CEP131: variants seen among roughly 807,000 people sequenced by gnomAD.
CEP131 encodes the protein centrosomal protein of 131 kDa.
Under a neutral mutation model 136.8 loss-of-function variants are expected in CEP131, and 99 were observed. The ratio of observed to expected loss-of-function variants is 0.72; its 90% CI spans 0.62 to 0.86. The LOEUF is 0.86. CEP131 is among the 40% of genes least tolerant of loss of function. The probability of loss-of-function intolerance (pLI) is 0.00; values close to 1 mark genes in which losing one functional copy is unlikely to be tolerated. For missense variants in CEP131, 1,459 were observed against 1,463.0 expected (o/e 1.00, Z 0.04); for synonymous variants, 646 against 612.7 (o/e 1.05, Z -0.80).
At position 81,219,601 on chromosome 17, in the gene CEP131, C is replaced by T. The variant is rs912377887; in HGVS notation, c.177+279G>A. Among the ~76,000 whole-genome samples, 1 of 152,084 alleles carries T rather than the reference C, an allele frequency of 6.6e-6. No homozygotes were observed. Among genetic ancestry groups the T allele is most frequent in the African/African-American group, 2.4e-5 (1 of 41,414 alleles). On this transcript the variant is annotated intron_variant, in intron 2 of 25. Coordinates refer to ENST00000450824, the MANE Select transcript of CEP131 (RefSeq NM_014984.4). This position sits in a 1 kb window ranked among gnomAD's most constrained non-coding sequence, Gnocchi z 4.0. ...GCGTGAGCCACCGAGCCCAGCCAAC[C>T]CCATTTCCTGAGGATTCAAACAAAT...
chr17:81,194,155 C>T (rs767799395), intron 17 of CEP131, 28 bp from the exon 18 acceptor site: 12 of 1,484,212 alleles, frequency 8.1e-6, no homozygotes, highest in African/African-American at 1.4e-5. Context: ...GCTAGGGCCA[C>T]GTCCAGCTAG....
chr17:81,196,033 C>T, intron 15 of CEP131, 82 bp from the exon 16 acceptor site: 4 of 1,195,796 alleles, frequency 3.3e-6, no homozygotes, highest in Non-Finnish European at 4.8e-6. Context: ...CTCCCAGCCT[C>T]CGAGGGAGGC....
chr17:81,220,486 T>C (rs2062363240), intron 1 of CEP131, among the ~76,000 whole-genome samples: 1 of 152,088 alleles, frequency 6.6e-6, no homozygotes, highest in South Asian at 2.1e-4. Context: ...GGACATTTGA[T>C]TTATTTTTTA....
chr17:81,195,380 G>A (rs1182093821), intron 16 of CEP131, among the ~76,000 whole-genome samples: 2 of 152,212 alleles, frequency 1.3e-5, no homozygotes, highest in Admixed American at 6.5e-5. Context: ...ACCTGGGCTC[G>A]GGACCATCAC....
Position 81,208,870 on chromosome 17 carries a change from G to T in CEP131, c.272+58C>A. Reference sequence around the variant, plus strand: ...CAGAGGCAGGGAGGAGCAGGCCAGGGTGGGGCACCTGAGGTCCCGGGAAGG... The same window carrying T: ...CAGAGGCAGGGAGGAGCAGGCCAGGTTGGGGCACCTGAGGTCCCGGGAAGG... On this transcript the variant is annotated intron_variant, in intron 3 of 25. Coordinates refer to ENST00000450824, the MANE Select transcript of CEP131 (RefSeq NM_014984.4). The surrounding 1 kb of genome is among the most constrained non-coding windows in gnomAD (Gnocchi z 5.6). The T allele has an allele frequency of 7.3e-7, 1 of 1,371,412 alleles. No homozygotes were observed. The highest frequency in any genetic ancestry group is 1.2e-5 in the South Asian group (1 of 84,854). 85.0% of individuals were successfully genotyped at this position (1,371,412 alleles called of 1,614,324 possible).
chr17:81,210,104 G>C (rs1465734527), intron 2 of CEP131, among the ~76,000 whole-genome samples: 1 of 152,068 alleles, frequency 6.6e-6, no homozygotes, highest in East Asian at 1.9e-4. Flanking sequence ...CAGAGCGCTC[G>C]GAGAAGTAGC....
rs1433527229 is a variant in CEP131, at chr17:81,203,572, G to A, written c.551C>T (p.Thr184Ile). 1.2e-6 allele frequency: 2 copies of A among 1,605,946 alleles called. No individual in the cohort carries two copies. Among genetic ancestry groups the A allele is most frequent in the Non-Finnish European group, 1.7e-6 (2 of 1,177,000 alleles). ...NKGAVGNCVT[T>I]MVHNRYTPSE... ...GGGGGTGTAGCGGTTGTGCACCATG[G>A]TGGTGACGCAGTTGCCCACTGCTCC... Residue 184 changes from threonine (T) to isoleucine (I), a missense_variant, in exon 6 of 26, where the codon ACC becomes ATC. This residue lies in a region of CEP131 where 246 missense variants were observed against 318.9 expected (regional missense o/e 0.77). Coordinates refer to ENST00000450824, the MANE Select transcript of CEP131 (RefSeq NM_014984.4). The surrounding 1 kb of genome is among the most constrained non-coding windows in gnomAD (Gnocchi z 4.6).
intron 2 of CEP131, among the ~76,000 whole-genome samples, chr17:81,218,780 T>C (rs984040425): frequency 6.6e-6 from 1 of 152,196 alleles, no homozygotes; most frequent in African/African-American, 2.4e-5. Flanking sequence ...GACACAGGAA[T>C]AACTTTTTCA....
Position 81,199,402 on chromosome 17 carries a change from C to T in CEP131, c.1171G>A (p.Ala391Thr), listed in dbSNP as rs749160439. The change falls in exon 10 of 26, where the codon GCC becomes ACC. Residue 391 changes from alanine (A) to threonine (T), a missense_variant. Physicochemically the swap from Ala to Thr is moderately conservative, Grantham distance 58. This residue lies in a region of CEP131 where 1,026 missense variants were observed against 964.2 expected (regional missense o/e 1.06). Coordinates refer to ENST00000450824, the MANE Select transcript of CEP131 (RefSeq NM_014984.4). ...SPTPGGTAHQ[A>T]LKANNTGGGL... is the part of the protein sequence containing the mutation. ...TCACCAGTATTGTTGGCCTTGAGGG[C>T]CTGGTGGGCAGTGCCGCCTGGTGTG... 3 of 1,605,156 alleles carry T rather than the reference C, an allele frequency of 1.9e-6. No individual in the cohort carries two copies. The East Asian group carries it at 6.7e-5, about 36-fold the overall frequency.
intron 11 of CEP131, 101 bp from the exon 12 acceptor site, chr17:81,198,398 C>T: frequency 8.1e-7 from 1 of 1,228,600 alleles, no homozygotes; most frequent in South Asian, 1.5e-5. Context: ...GCCGCGGGAG[C>T]TCCCCAGTCC....
intron 8 of CEP131, chr17:81,200,125 C>G: frequency 1.6e-6 from 1 of 611,592 alleles, no homozygotes; most frequent in Non-Finnish European, 2.9e-6. Flanking sequence ...CAGGCGTTTC[C>G]TGACACCCAG....
In CEP131 at chr17:81,192,559, G is replaced by T; in HGVS notation, c.2464C>A (p.Leu822Met). 6.2e-7 allele frequency: 1 copy of T among 1,609,520 alleles called. No individual in the cohort carries two copies. The highest frequency in any genetic ancestry group is 8.5e-7 in the Non-Finnish European group (1 of 1,179,504). Residue 822 changes from leucine (L) to methionine (M), a missense_variant, in exon 20 of 26, where the codon CTG becomes ATG. Physicochemically the swap from Leu to Met is conservative, Grantham distance 15. Around this residue, in one of 3 missense-constraint regions of CEP131, gnomAD observed 1,026 missense variants for 964.2 expected, o/e 1.06. Transcript: ENST00000450824. ...RAELEELRQQ[L>M]EESSSALTRA... ...GTCAGTGCAGAGCTGCTCTCCTCCAGCTGCTGCCTCAGCTCTTCCAGCTCC... is the reference window on the plus strand; with the variant it reads ...GTCAGTGCAGAGCTGCTCTCCTCCATCTGCTGCCTCAGCTCTTCCAGCTCC...
At position 81,194,010 on chromosome 17, in the gene CEP131, A is replaced by T. The variant is rs777723302; in HGVS notation, c.2237T>A (p.Leu746Gln). The change falls in exon 18 of 26, where the codon CTG becomes CAG. Residue 746 changes from leucine (L) to glutamine (Q), a missense_variant. By Grantham distance (113) the Leu-to-Gln change is moderately radical. Transcript: ENST00000450824. ...QSDERASQRC[L>Q]RQAEELREQL... is the part of the protein sequence containing the mutation. ...CTCCCGCAGCTCCTCGGCCTGGCGC[A>T]GGCAGCGCTGCGAGGCCCGCTCATC... The T allele has an allele frequency of 1.3e-6, 2 of 1,561,928 alleles. No homozygotes were observed. Among genetic ancestry groups the T allele is most frequent in the South Asian group, 2.4e-5 (2 of 84,494 alleles).
Position 81,192,496 on chromosome 17 carries a change from C to T in CEP131, c.2527G>A (p.Glu843Lys), listed in dbSNP as rs767273831. Residue 843 changes from glutamate to lysine, a missense_variant, in exon 20 of 26, where the codon GAG becomes AAG. Physicochemically the swap from Glu to Lys is moderately conservative, Grantham distance 56. Around this residue, in one of 3 missense-constraint regions of CEP131, gnomAD observed 1,026 missense variants for 964.2 expected, o/e 1.06. Coordinates refer to ENST00000450824, the MANE Select transcript of CEP131 (RefSeq NM_014984.4). ...LRAEFEKGREEQERRHQMELN... is the reference protein window; with the variant it reads ...LRAEFEKGREKQERRHQMELN... ...TAGACCTGGTGCCGGCGCTCCTGCT[C>T]CTCCCTGCCCTTCTCAAACTCAGCC... is the stretch of plus-strand genomic sequence containing the variant. 3 of 1,611,706 alleles carry T rather than the reference C, an allele frequency of 1.9e-6. No homozygotes were observed. The highest frequency in any genetic ancestry group is 2.2e-5 in the East Asian group (1 of 44,850).
At chr17:81,192,685 G>GGTGGGGGC in intron 19 of CEP131, 51 bp downstream of exon 19, 1 of 478,438 alleles carries the variant, frequency 2.1e-6, no homozygotes, top group Non-Finnish European at 4.1e-6. Flanking sequence ...GGGGGGAGGG[G>GGTGGGGGC]TCAGCCAGCG....
intron 2 of CEP131, among the ~76,000 whole-genome samples, chr17:81,213,317 T>C (rs1406833719): frequency 6.6e-6 from 1 of 152,194 alleles, no homozygotes; most frequent in Non-Finnish European, 1.5e-5. Flanking sequence ...CCCAGCACTT[T>C]GGGAAGCCAA....
At position 81,192,802 on chromosome 17, in the gene CEP131, T is replaced by C. The variant is rs1461343170; in HGVS notation, c.2363A>G (p.Gln788Arg). 1 of 1,598,346 alleles carries C rather than the reference T, an allele frequency of 6.3e-7. No homozygotes were observed. Among genetic ancestry groups the C allele is most frequent in the Admixed American group, 1.7e-5 (1 of 59,982 alleles). The change falls in exon 19 of 26, where the codon CAG (glutamine) becomes CGG (arginine). Residue 788 changes from glutamine to arginine, a missense_variant. Gln to Arg is a conservative substitution (Grantham distance 43, BLOSUM62 1). Coordinates refer to ENST00000450824, the MANE Select transcript of CEP131 (RefSeq NM_014984.4). ...CTCACTGTACAGCCGCTGCCGTTGC[T>C]GCTGCAGCGCCCACTGCTCCTGCTC... ...HLEQEQWALQQQRQRLYSEVA... is the reference protein window; with the variant it reads ...HLEQEQWALQRQRQRLYSEVA...
Position 81,198,922 on chromosome 17 carries a change from G to A in CEP131, c.1242C>T (p.Ser414=), listed in dbSNP as rs142545284. 0.011 allele frequency: 16,796 copies of A among 1,593,108 alleles called. 424 individuals are homozygous for A. The Admixed American group carries it at 0.11, about 10-fold the overall frequency. Residue 414 remains serine (S), a synonymous_variant, in exon 11 of 26, where the codon TCC becomes TCT. Coordinates refer to ENST00000450824, the MANE Select transcript of CEP131 (RefSeq NM_014984.4). ...GCTGCTGTGGTTCTGGGGATGAGTC[G>A]GAGGTGGGCAGGCAGCGGTCTCCGG... ...AGPGDRCLPT[S]DSSPEPQQPP...
At chr17:81,220,749 C>T (rs1434050109) in intron 1 of CEP131, among the ~76,000 whole-genome samples, 1 of 152,030 alleles carries the variant, frequency 6.6e-6, no homozygotes, top group African/African-American at 2.4e-5. Context: ...GATTCGCCTG[C>T]CTCGGCCTCC....
Sources: allele counts gnomAD v4.1 joint callset (sites outside exome capture counted in the v4.1 genomes callset), GRCh38; gene constraint gnomAD v4.1.1; regional missense constraint gnomAD v4.1.1; non-coding constraint Gnocchi (gnomAD v3.1); transcripts MANE v1.5; gene names NCBI Gene and HGNC (gene_info 2026-07-23, HGNC 2026-07-21).